The following CTNND2 variants were observed in gnomAD, a reference collection of about 807,000 sequenced individuals.
The protein encoded by CTNND2 is catenin delta 2, also known as catenin delta-2.
A neutral mutation model predicts 144.4 loss-of-function variants in CTNND2; 22 were observed. That is an observed-to-expected ratio of 0.15 (90% CI 0.11 to 0.22). The LOEUF is 0.22. CTNND2 is among the 10% of genes least tolerant of loss of function. The pLI, the probability that CTNND2 is intolerant of heterozygous loss-of-function variation, is 1.00. For synonymous variants in CTNND2, 751 were observed against 695.6 expected (o/e 1.08, Z -1.25); for missense variants, 1,353 against 1,618.8 (o/e 0.84, Z 2.82).
chr5:11,031,012 T>C (rs2149551183), intron 16 of CTNND2, among the ~76,000 whole-genome samples: 1 of 152,326 alleles, frequency 6.6e-6, no homozygotes, highest in East Asian at 1.9e-4. Flanking sequence ...TTTCTGAGCA[T>C]GAGAGTTTCC....
At chr5:10,981,053 A>AAATAAT (rs1356941269) in intron 21 of CTNND2, among the ~76,000 whole-genome samples, 2 of 151,886 alleles carry the variant, frequency 1.3e-5, no homozygotes, top group Non-Finnish European at 2.9e-5. Flanking sequence ...AATAAAAATA[A>AAATAAT]AATAATAATA....
chr5:11,338,000 GA>G (rs1561241238), intron 9 of CTNND2, among the ~76,000 whole-genome samples: 1 of 152,156 alleles, frequency 6.6e-6, no homozygotes, highest in Non-Finnish European at 1.5e-5. Context: ...GAAAGTTCTG[GA>G]AAGATGGAAT....
intron 7 of CTNND2, among the ~76,000 whole-genome samples, chr5:11,373,095 A>C (rs1757609743): frequency 1.3e-5 from 2 of 152,224 alleles, no homozygotes; most frequent in Admixed American, 1.3e-4. Context: ...TGGCCATGAC[A>C]ACTGTGACCA....
chr5:11,330,182 G>A (rs558714127), intron 9 of CTNND2, among the ~76,000 whole-genome samples: 124 of 151,372 alleles, frequency 8.2e-4, no homozygotes, highest in Non-Finnish European at 1.6e-3. Flanking sequence ...TTTTAAACAT[G>A]AAAATCTGGC....
chr5:11,234,340 C>T (rs17792743), intron 10 of CTNND2, among the ~76,000 whole-genome samples: 30,975 of 152,170 alleles, frequency 0.2, 3,413 homozygotes, highest in Middle Eastern at 0.32. Context: ...GATGAATGCA[C>T]ATTTCGCTAC....
At chr5:11,734,728 A>C (rs970902583) in intron 1 of CTNND2, among the ~76,000 whole-genome samples, 1 of 152,222 alleles carries the variant, frequency 6.6e-6, no homozygotes, top group Non-Finnish European at 1.5e-5. Context: ...TGATTTCCAC[A>C]GTAGCCTTTG....
At chr5:11,879,352 T>TATAC (rs1553988802) in intron 1 of CTNND2, among the ~76,000 whole-genome samples, 9 of 137,204 alleles carry the variant, frequency 6.6e-5, no homozygotes, top group African/African-American at 1.3e-4. Flanking sequence ...TATATATATA[T>TATAC]ATATACATAT....
chr5:11,682,517 T>C (rs527357895), intron 2 of CTNND2, among the ~76,000 whole-genome samples: 1 of 152,334 alleles, frequency 6.6e-6, no homozygotes, highest in Admixed American at 6.5e-5. Flanking sequence ...TGGAAGGATA[T>C]TTCTTTGTGT....
intron 18 of CTNND2, among the ~76,000 whole-genome samples, chr5:11,010,826 C>T (rs1212487061): frequency 1.3e-5 from 2 of 152,276 alleles, no homozygotes; most frequent in Admixed American, 1.3e-4. Flanking sequence ...CCCATCAAAG[C>T]TCATTCTTCA....
chr5:11,320,663 G>T (rs531046770), intron 9 of CTNND2, among the ~76,000 whole-genome samples: 1 of 152,118 alleles, frequency 6.6e-6, no homozygotes, highest in African/African-American at 2.4e-5. Flanking sequence ...GAGCTTGTGC[G>T]TAGAAACTCC....
intron 2 of CTNND2, among the ~76,000 whole-genome samples, chr5:11,626,572 A>G (rs1376593945): frequency 6.6e-6 from 1 of 152,118 alleles, no homozygotes; most frequent in Non-Finnish European, 1.5e-5. Context: ...TGAGTCCTGG[A>G]ATGTGTTTTC....
chr5:11,409,869 A>G (rs1386176200), intron 5 of CTNND2, among the ~76,000 whole-genome samples: 1 of 152,114 alleles, frequency 6.6e-6, no homozygotes, highest in Non-Finnish European at 1.5e-5. Context: ...AGGAGAATTT[A>G]GAATGCAGCA....
chr5:11,742,492 A>G (rs1203093611), intron 1 of CTNND2, among the ~76,000 whole-genome samples: 6 of 151,926 alleles, frequency 3.9e-5, no homozygotes, highest in Admixed American at 3.3e-4. Context: ...AATGTCTTCC[A>G]TTTCTTTCAG....
chr5:11,808,983 A>G (rs61761656), intron 1 of CTNND2, among the ~76,000 whole-genome samples: 2,339 of 152,302 alleles, frequency 0.015, 35 homozygotes, highest in Non-Finnish European at 0.024. Context: ...ATCATCGCTG[A>G]GGCTGCATGG....
chr5:11,020,730 G>A (rs755288374), intron 17 of CTNND2, among the ~76,000 whole-genome samples: 7 of 151,526 alleles, frequency 4.6e-5, no homozygotes, highest in Non-Finnish European at 7.4e-5. Context: ...AAATTAGTCA[G>A]TATATATATA....
chr5:11,732,413 G>A (rs541836076), intron 1 of CTNND2, 141 bp from the exon 2 acceptor site: 37 of 704,846 alleles, frequency 5.2e-5, no homozygotes, highest in African/African-American at 7.1e-5. Flanking sequence ...ATTATAGAAC[G>A]GGAGTAATAC....
chr5:11,027,992 T>C (rs1481091051), intron 16 of CTNND2, among the ~76,000 whole-genome samples: 1 of 152,168 alleles, frequency 6.6e-6, no homozygotes, highest in East Asian at 1.9e-4. Context: ...TACCATTTGG[T>C]TTTCGCATTG....
intron 2 of CTNND2, 74 bp from the exon 3 acceptor site, chr5:11,565,130 C>A (rs142338238): frequency 2.2e-6 from 2 of 919,122 alleles, no homozygotes; most frequent in African/African-American, 1.7e-5. Context: ...AATAATAGGA[C>A]GGCTGAGGGA....
intron 13 of CTNND2, among the ~76,000 whole-genome samples, chr5:11,113,630 G>A (rs997009151): frequency 1.3e-5 from 2 of 152,226 alleles, no homozygotes; most frequent in African/African-American, 4.8e-5. Flanking sequence ...AGTTTTATTT[G>A]AAGAATCTTA....
Sources: allele counts gnomAD v4.1 joint callset (sites outside exome capture counted in the v4.1 genomes callset), GRCh38; gene constraint gnomAD v4.1.1; transcripts MANE v1.5; gene names NCBI Gene and HGNC (gene_info 2026-07-23, HGNC 2026-07-21).